Variants in CNTNAP2 observed in about 807,000 individuals in gnomAD.
The protein encoded by CNTNAP2 is contactin associated protein 2, also known as contactin-associated protein-like 2.
In CNTNAP2, 98 loss-of-function variants were observed where a neutral mutation model predicts 155.2. That is an observed-to-expected ratio of 0.63 (90% CI 0.54 to 0.75). CNTNAP2 has a LOEUF of 0.75. Ranked by LOEUF, CNTNAP2 falls within the 30% of genes least tolerant of loss-of-function variation. The probability of loss-of-function intolerance (pLI) is 0.00; values close to 1 mark genes in which losing one functional copy is unlikely to be tolerated. For missense variants in CNTNAP2, 1,727 were observed against 1,688.1 expected, an observed-to-expected ratio of 1.02 and a Z score of -0.40; for synonymous variants, 651 against 631.2, an observed-to-expected ratio of 1.03 and a Z score of -0.47.
intron 1 of CNTNAP2, among the ~76,000 whole-genome samples, chr7:146,300,450 A>C (rs1800588236): frequency 6.6e-6 from 1 of 152,108 alleles, no homozygotes; most frequent in South Asian, 2.1e-4. Flanking sequence ...ACATTAAACT[A>C]AGTAGACATA....
At chr7:147,830,048 C>G (rs1256780604) in intron 13 of CNTNAP2, among the ~76,000 whole-genome samples, 1 of 151,824 alleles carries the variant, frequency 6.6e-6, no homozygotes, top group African/African-American at 2.4e-5. Flanking sequence ...TGCACCCGTT[C>G]TAGTCCAAAC....
At chr7:147,298,739 A>T (rs1374624129) in intron 8 of CNTNAP2, among the ~76,000 whole-genome samples, 1 of 152,240 alleles carries the variant, frequency 6.6e-6, no homozygotes. Context: ...ATGTAAATAA[A>T]TGTACTTGGC....
intron 20 of CNTNAP2, among the ~76,000 whole-genome samples, chr7:148,255,818 CTT>C (rs1225957432): frequency 6.6e-6 from 1 of 152,226 alleles, no homozygotes; most frequent in African/African-American, 2.4e-5. Flanking sequence ...AGATCTGTCT[CTT>C]AAATCCTTTC....
chr7:147,726,473 C>T (rs958882187), intron 13 of CNTNAP2, among the ~76,000 whole-genome samples: 14 of 151,902 alleles, frequency 9.2e-5, no homozygotes, highest in African/African-American at 2.2e-4. Flanking sequence ...CCTCAAAGAC[C>T]ATCTTAAGTC....
chr7:147,312,996 AT>A (rs1190557448), intron 9 of CNTNAP2, among the ~76,000 whole-genome samples: 1 of 139,454 alleles, frequency 7.2e-6, no homozygotes, highest in African/African-American at 2.9e-5. Flanking sequence ...TTTGATTTGC[AT>A]TTCTCTGATA....
chr7:147,441,280 C>A (rs1277627307), intron 10 of CNTNAP2, among the ~76,000 whole-genome samples: 1 of 152,038 alleles, frequency 6.6e-6, no homozygotes, highest in African/African-American at 2.4e-5. Flanking sequence ...TTGCATTTTT[C>A]AGCTCCAGAA....
chr7:147,556,616 G>T (rs1388959412), intron 11 of CNTNAP2, among the ~76,000 whole-genome samples: 2 of 152,144 alleles, frequency 1.3e-5, no homozygotes, highest in Non-Finnish European at 2.9e-5. Context: ...GAAGATGGGG[G>T]ACTGAGATGA....
At chr7:147,534,079 C>T (rs182449584) in intron 11 of CNTNAP2, among the ~76,000 whole-genome samples, 1 of 152,274 alleles carries the variant, frequency 6.6e-6, no homozygotes, top group Admixed American at 6.5e-5. Flanking sequence ...GGAGGCTCAA[C>T]CTGATTTTGG....
chr7:146,400,240 G>A (rs1795694175), intron 1 of CNTNAP2, among the ~76,000 whole-genome samples: 1 of 149,236 alleles, frequency 6.7e-6, no homozygotes, highest in East Asian at 2.0e-4. Flanking sequence ...TTTGTGCAAT[G>A]AGTTAACTGG....
At chr7:147,427,943 T>C (rs1362696853) in intron 10 of CNTNAP2, among the ~76,000 whole-genome samples, 1 of 152,164 alleles carries the variant, frequency 6.6e-6, no homozygotes, top group Non-Finnish European at 1.5e-5. Flanking sequence ...AGAAAGGGTA[T>C]AAGGCAAGGA....
At chr7:146,908,255 C>T (rs1216392961) in intron 3 of CNTNAP2, among the ~76,000 whole-genome samples, 178 of 151,714 alleles carry the variant, frequency 1.2e-3, no homozygotes, top group African/African-American at 3.3e-3. Flanking sequence ...GACAGAAAGT[C>T]AACAAGGATA....
rs546244239 is a variant in CNTNAP2 at position 147,051,644 on chromosome 7, A to G, written c.550+7590A>G. Among the ~76,000 whole-genome samples, 15 of 152,208 alleles carry G rather than the reference A, an allele frequency of 9.9e-5. 1 individual carries two copies. Among genetic ancestry groups the G allele is most frequent in the African/African-American group, 3.1e-4 (13 of 41,554 alleles). On this transcript the variant is annotated intron_variant, in intron 4 of 23. Transcript: ENST00000361727. The stretch of plus-strand genomic sequence containing the variant: ...CAGAGGTAAGAACATAATTTATTTC[A>G]TATTTGGAGTTTTTAGTTAGCAACA...
intron 1 of CNTNAP2, among the ~76,000 whole-genome samples, chr7:146,306,221 C>A (rs1255570843): frequency 6.6e-6 from 1 of 152,026 alleles, no homozygotes; most frequent in African/African-American, 2.4e-5. Context: ...ACTGAATAGA[C>A]CAATAACAGG....
intron 17 of CNTNAP2, among the ~76,000 whole-genome samples, chr7:148,164,581 C>T (rs1805613229): frequency 6.6e-6 from 1 of 151,206 alleles, no homozygotes; most frequent in African/African-American, 2.4e-5. Flanking sequence ...CAACGACACC[C>T]ATCCTAACTC....
At chr7:148,144,877 A>G (rs755572722) in intron 16 of CNTNAP2, among the ~76,000 whole-genome samples, 2 of 152,064 alleles carry the variant, frequency 1.3e-5, no homozygotes, top group Non-Finnish European at 1.5e-5. Context: ...CACTCTCTCT[A>G]TAATTATCTC....
chr7:146,897,931 G>A (rs958243996), intron 3 of CNTNAP2, among the ~76,000 whole-genome samples: 1 of 151,926 alleles, frequency 6.6e-6, no homozygotes, highest in Non-Finnish European at 1.5e-5. Flanking sequence ...ATTAAGGAAT[G>A]TTTATATATA....
chr7:148,172,222 G>A lies in CNTNAP2; in HGVS notation c.2774-20G>A, dbSNP rs1162991637. ...GCAGAGGTTATTCCCTCTGAACTCT[G>A]TGCCTTCTGTCATTCCCAGGTGGTG... On this transcript the variant is annotated intron_variant, in intron 17 of 23. Coordinates refer to ENST00000361727, the MANE Select transcript of CNTNAP2 (RefSeq NM_014141.6). The A allele has an allele frequency of 1.1e-5, 18 of 1,611,546 alleles. No individual in the cohort carries two copies. The highest frequency in any genetic ancestry group is 1.4e-5 in the Non-Finnish European group (16 of 1,178,662).
intron 5 of CNTNAP2, among the ~76,000 whole-genome samples, chr7:147,112,510 C>A (rs918661882): frequency 4.6e-5 from 7 of 152,140 alleles, no homozygotes; most frequent in Non-Finnish European, 7.3e-5. Context: ...GTGGGTTTGT[C>A]ATAGATGGCT....
intron 1 of CNTNAP2, among the ~76,000 whole-genome samples, chr7:146,263,274 G>C (rs996266498): frequency 7.0e-6 from 1 of 143,316 alleles, no homozygotes; most frequent in African/African-American, 3.0e-5. Context: ...AGGGAGGGAG[G>C]GAGGAAGGAA....
Sources: gnomAD v4.1 joint callset for allele counts (sites outside exome capture counted in the v4.1 genomes callset) on GRCh38, gnomAD v4.1.1 for gene constraint, MANE v1.5 for transcripts, NCBI Gene and HGNC (gene_info 2026-07-23, HGNC 2026-07-21) for gene names.